Variants in EFCAB6 observed in about 807,000 individuals in gnomAD.
EFCAB6 encodes EF-hand calcium-binding domain-containing protein 6.
In EFCAB6, 156 loss-of-function variants were observed where a neutral mutation model predicts 169.8. The ratio of observed to expected loss-of-function variants is 0.92; its 90% CI spans 0.81 to 1.05. The LOEUF (loss-of-function observed/expected upper bound fraction) is 1.05, where lower values mean the gene tolerates loss of function less well. EFCAB6 is among the 50% of genes least tolerant of loss of function. The pLI is 0.00. For missense variants in EFCAB6, 1,800 were observed against 1,829.1 expected, an observed-to-expected ratio of 0.98 and a Z score of 0.29; for synonymous variants, 698 against 676.4, an observed-to-expected ratio of 1.03 and a Z score of -0.50.
intron 25 of EFCAB6, among the ~76,000 whole-genome samples, chr22:43,578,009 G>A (rs1366578563): frequency 6.6e-6 from 1 of 152,114 alleles, no homozygotes; most frequent in African/African-American, 2.4e-5. Context: ...ACTAACTAAG[G>A]TCGATCCTCA....
At chr22:43,554,311 T>G (rs1345401259) in intron 27 of EFCAB6, 1 of 153,908 alleles carries the variant, frequency 6.5e-6, no homozygotes, top group Non-Finnish European at 1.4e-5. Context: ...GGTAGCTCAC[T>G]GCAACCTTGG....
chr22:43,720,937 T>C (rs1001890604), intron 8 of EFCAB6, among the ~76,000 whole-genome samples: 1 of 152,158 alleles, frequency 6.6e-6, no homozygotes, highest in Admixed American at 6.5e-5. Context: ...AGTCAAACTA[T>C]CTCTCTTTGC....
Position 43,782,031 on chromosome 22 carries a change from T to G in EFCAB6, c.139+149A>C, listed in dbSNP as rs566232005. On this transcript the variant is annotated intron_variant, in intron 3 of 31. Coordinates refer to ENST00000262726, the MANE Select transcript of EFCAB6 (RefSeq NM_022785.4). ...CAATCTGTGTCCCAATTTCCCCATATAGAAAACAGGGATAAAAACAGAGCC... is the reference window on the plus strand; with the variant it reads ...CAATCTGTGTCCCAATTTCCCCATAGAGAAAACAGGGATAAAAACAGAGCC... 4 of 793,080 alleles carry G rather than the reference T, an allele frequency of 5.0e-6. No individual in the cohort carries two copies. In the South Asian group the frequency reaches 1.0e-4, roughly 20 times the overall value. The allele number at this position is 793,080 out of a possible 1,614,324, so 49.1% of individuals were successfully genotyped here.
At chr22:43,672,326 A>G (rs1313641603) in intron 13 of EFCAB6, 21 bp from the exon 14 acceptor site, 1 of 1,612,466 alleles carries the variant, frequency 6.2e-7, no homozygotes. Context: ...AAGAGAAAGT[A>G]TATAAATAAA....
intron 12 of EFCAB6, among the ~76,000 whole-genome samples, chr22:43,680,071 TTA>T (rs1310117979): frequency 1.3e-5 from 2 of 152,172 alleles, no homozygotes; most frequent in South Asian, 2.1e-4. Flanking sequence ...TCACAAAGAT[TTA>T]TATATGTTTT....
chr22:43,739,757 C>T (rs1460203255), intron 6 of EFCAB6, among the ~76,000 whole-genome samples: 1 of 152,028 alleles, frequency 6.6e-6, no homozygotes, highest in Non-Finnish European at 1.5e-5. Context: ...AGACCATTTC[C>T]ACAATGCAAT....
At chr22:43,769,194 G>A (rs557523548) in intron 4 of EFCAB6, among the ~76,000 whole-genome samples, 2 of 152,326 alleles carry the variant, frequency 1.3e-5, no homozygotes, top group African/African-American at 2.4e-5. Flanking sequence ...AATTCATGCT[G>A]TAACATGGGT....
intron 8 of EFCAB6, among the ~76,000 whole-genome samples, chr22:43,725,457 A>G (rs1339963856): frequency 6.6e-6 from 1 of 152,152 alleles, no homozygotes; most frequent in African/African-American, 2.4e-5. Flanking sequence ...AGCTTTTATA[A>G]CAGACTCACT....
intron 15 of EFCAB6, among the ~76,000 whole-genome samples, chr22:43,669,837 C>G (rs899270758): frequency 1.3e-5 from 2 of 152,146 alleles, no homozygotes; most frequent in African/African-American, 2.4e-5. Flanking sequence ...TCCAGAGCAT[C>G]GGCGAGGCCA....
At position 43,534,885 on chromosome 22, in the gene EFCAB6, A is replaced by G. The variant is rs2047295032; in HGVS notation, c.4049-13T>C. 3 of 1,591,896 alleles carry G rather than the reference A, an allele frequency of 1.9e-6. No individual in the cohort carries two copies. The stretch of plus-strand genomic sequence containing the variant: ...TTCTCCACAAGAGCTACAGAAAAAA[A>G]TGGCAGTTCAATTGGTGGCGATTCA... On this transcript the variant is annotated splice_polypyrimidine_tract_variant and intron_variant, in intron 29 of 31. Transcript: ENST00000262726.
chr22:43,537,419 C>T lies in EFCAB6; in HGVS notation c.4006G>A (p.Asp1336Asn), dbSNP rs774953722. The T allele has an allele frequency of 2.5e-6, 4 of 1,614,152 alleles. No individual in the cohort carries two copies. Among genetic ancestry groups the T allele is most frequent in the East Asian group, 2.2e-5 (1 of 44,876 alleles). ...RQLLKECKEK[D>N]VARQGDINAS... ...TTGATGTCCCCCTGTCTGGCCACGT[C>T]CTTCTCCTTGCATTCTTTCAGGAGC... The change falls in exon 29 of 32, where the codon GAC becomes AAC. Residue 1336 changes from aspartate to asparagine, a missense_variant. Coordinates refer to ENST00000262726, the MANE Select transcript of EFCAB6 (RefSeq NM_022785.4). The surrounding 1 kb of genome is among the most constrained non-coding windows in gnomAD (Gnocchi z 4.3).
intron 1 of EFCAB6, among the ~76,000 whole-genome samples, chr22:43,811,576 G>A (rs1053585958): frequency 2.0e-5 from 3 of 152,144 alleles, no homozygotes; most frequent in African/African-American, 7.2e-5. Flanking sequence ...ATTTCTGAGG[G>A]AGGCAGGGGT....
chr22:43,639,605 A>G (rs866593081), intron 17 of EFCAB6, among the ~76,000 whole-genome samples: 1 of 152,206 alleles, frequency 6.6e-6, no homozygotes. Flanking sequence ...GTTGCTTTTC[A>G]GCAGTTTGTC....
chr22:43,809,733 G>A (rs991588564), intron 1 of EFCAB6, among the ~76,000 whole-genome samples: 4 of 151,890 alleles, frequency 2.6e-5, no homozygotes, highest in Admixed American at 6.6e-5. Flanking sequence ...TCAGCTTCTG[G>A]AGTAGCTGGG....
chr22:43,673,935 C>G (rs1279075214), intron 13 of EFCAB6, among the ~76,000 whole-genome samples: 2 of 151,398 alleles, frequency 1.3e-5, no homozygotes, highest in African/African-American at 4.9e-5. Context: ...CCACTGCACT[C>G]CAGCCTGGGT....
intron 22 of EFCAB6, among the ~76,000 whole-genome samples, chr22:43,603,735 CACCT>C (rs1465771279): frequency 6.6e-6 from 1 of 152,260 alleles, no homozygotes; most frequent in East Asian, 1.9e-4. Flanking sequence ...GCAGACACAG[CACCT>C]CATGCAGCTG....
chr22:43,712,652 G>A (rs1019230752), intron 9 of EFCAB6, among the ~76,000 whole-genome samples: 1 of 152,212 alleles, frequency 6.6e-6, no homozygotes, highest in Admixed American at 6.5e-5. Context: ...GAGGTGGGCT[G>A]CATCTGATAC....
Position 43,693,847 on chromosome 22 carries a change from T to G in EFCAB6, c.1032-6266A>C, listed in dbSNP as rs543894221. On this transcript the variant is annotated intron_variant, in intron 10 of 31. Coordinates refer to ENST00000262726, the MANE Select transcript of EFCAB6 (RefSeq NM_022785.4). The stretch of plus-strand genomic sequence containing the variant: ...TAAAATGGATAACTCAAATACTGGA[T>G]CAACACACAGGATTTTAAAAGCAAT... Among the ~76,000 whole-genome samples, 4 of 152,024 alleles carry G rather than the reference T, an allele frequency of 2.6e-5. No homozygotes were observed. The East Asian group carries it at 5.8e-4, about 22-fold the overall frequency.
At chr22:43,784,622 CACAT>C (rs1406240262) in intron 2 of EFCAB6, among the ~76,000 whole-genome samples, 6 of 68,300 alleles carry the variant, frequency 8.8e-5, no homozygotes, top group African/African-American at 3.6e-4. Flanking sequence ...TGTATATATA[CACAT>C]ATATATGTAT....
Sources: allele counts gnomAD v4.1 joint callset (sites outside exome capture counted in the v4.1 genomes callset), GRCh38; gene constraint gnomAD v4.1.1; non-coding constraint Gnocchi (gnomAD v3.1); transcripts MANE v1.5; gene names NCBI Gene and HGNC (gene_info 2026-07-23, HGNC 2026-07-21).